The following SLC19A1 variants were observed in gnomAD, a reference collection of about 807,000 sequenced individuals.
SLC19A1 encodes the protein solute carrier family 19 member 1.
SLC19A1 carries 37 observed loss-of-function variants against 35.3 expected under a neutral mutation model. That is an observed-to-expected ratio of 1.05 (90% CI 0.81 to 1.38). SLC19A1 has a LOEUF of 1.38. SLC19A1 is among the 40% of genes most tolerant of loss of function. The pLI is 0.00. For missense variants in SLC19A1, 831 were observed against 826.9 expected, an observed-to-expected ratio of 1.00 and a Z score of -0.06; for synonymous variants, 460 against 398.5, an observed-to-expected ratio of 1.15 and a Z score of -1.84.
chr21:45,533,763 G>C lies in SLC19A1; in HGVS notation c.190-1615C>G, dbSNP rs998803544. Reference sequence around the variant, plus strand: ...CACACTTGGCAGGACCAAACCCTGGGTCAGCACGTGGGGTGCTGCGCCGAG... The same window carrying C: ...CACACTTGGCAGGACCAAACCCTGGCTCAGCACGTGGGGTGCTGCGCCGAG... On this transcript the variant is annotated intron_variant, in intron 2 of 5. Transcript: ENST00000311124. The surrounding 1 kb of genome is among the most constrained non-coding windows in gnomAD (Gnocchi z 4.5). 6.6e-6 allele frequency among the ~76,000 whole-genome samples: 1 copy of C among 152,170 alleles called. No homozygotes were observed. The highest frequency in any genetic ancestry group is 2.4e-5 in the African/African-American group (1 of 41,456).
At position 45,504,138 on chromosome 21, in the gene SLC19A1, C is replaced by T. The variant is rs530549292; in HGVS notation, c.498-5526G>A. 1.4e-3 allele frequency: 2,132 copies of T among 1,476,604 alleles called. 2 individuals carry two copies. The highest frequency in any genetic ancestry group is 1.9e-3 in the Non-Finnish European group (1,968 of 1,057,702). 91.5% of individuals were successfully genotyped at this position (1,476,604 alleles called of 1,614,324 possible). A position where few individuals can be genotyped will look rare whatever the true frequency, so the allele number is the denominator to read the frequency against. ...GCTGCTCCCAATTTCTCGCCCCATC[C>T]GGCCCAAGCCCCCTTCCTGTTCAGC... On this transcript the variant is annotated intron_variant, in intron 3 of 4. Coordinates refer to the SLC19A1 transcript ENST00000417954.
rs780934095 is a variant in SLC19A1 at position 45,516,035 on chromosome 21, G to T, written c.1399C>A (p.Pro467Thr). The change falls in exon 6 of 6, where the codon CCC (proline) becomes ACC (threonine). Residue 467 changes from proline (P) to threonine (T), a missense_variant. By Grantham distance (38) the Pro-to-Thr change is conservative. Coordinates refer to ENST00000311124, the MANE Select transcript of SLC19A1 (RefSeq NM_194255.4). ...GCACTCCTCAGGCCCTGGGCCGGGG[G>T]CTGCCGCGGGTGGTGGCCCCGCTGG... ...HCQRGHHPRQPPAQGLRSAAE... is the reference protein window; with the variant it reads ...HCQRGHHPRQTPAQGLRSAAE... 23 of 1,579,968 alleles carry T rather than the reference G, an allele frequency of 1.5e-5. No individual in the cohort carries two copies. In the South Asian group the frequency reaches 2.4e-4, roughly 17 times the overall value.
At chr21:45,532,473 G>C (rs945908823) in intron 2 of SLC19A1, among the ~76,000 whole-genome samples, 8 of 152,118 alleles carry the variant, frequency 5.3e-5, no homozygotes, top group Non-Finnish European at 1.0e-4. Flanking sequence ...TTGCTCTGTC[G>C]CCCAGGCTGG....
chr21:45,511,964 G>A (rs1035516605), downstream of SLC19A1, among the ~76,000 whole-genome samples: 2 of 152,096 alleles, frequency 1.3e-5, no homozygotes, highest in Non-Finnish European at 2.9e-5. Flanking sequence ...CCTCTGCCGT[G>A]GGTGTGTCTG....
upstream of SLC19A1, among the ~76,000 whole-genome samples, chr21:45,547,781 G>C (rs977318814): frequency 6.6e-6 from 1 of 152,260 alleles, no homozygotes; most frequent in Admixed American, 6.5e-5. Flanking sequence ...GCATGTTTTA[G>C]GATCTCCTGA....
intron 1 of SLC19A1, among the ~76,000 whole-genome samples, chr21:45,559,009 A>G (rs2078590208): frequency 6.6e-6 from 1 of 151,892 alleles, no homozygotes; most frequent in Non-Finnish European, 1.5e-5. Context: ...GGGTTTCACC[A>G]TGTTGGCCAG....
rs1170926154 is a variant in SLC19A1 at position 45,531,989 on chromosome 21, C to T, written c.349G>A (p.Ala117Thr). The change falls in exon 3 of 6, where the codon GCG (alanine) becomes ACG (threonine). Residue 117 changes from alanine (A) to threonine (T), a missense_variant. Ala to Thr is a moderately conservative substitution (Grantham distance 58, BLOSUM62 0). Coordinates refer to ENST00000311124, the MANE Select transcript of SLC19A1 (RefSeq NM_194255.4). Reference sequence around the variant, plus strand: ...AAGAGCTCCATGAGCTGCATGTGCGCCACCGAGTGGCCCAGCAGCAGCAGC... The same window carrying T: ...AAGAGCTCCATGAGCTGCATGTGCGTCACCGAGTGGCCCAGCAGCAGCAGC... ...WLLLLLGHSV[A>T]HMQLMELFYS... 1 of 1,610,092 alleles carries T rather than the reference C, an allele frequency of 6.2e-7. No homozygotes were observed. The highest frequency in any genetic ancestry group is 1.3e-5 in the African/African-American group (1 of 74,926).
At chr21:45,559,421 C>T (rs1277376802) in intron 1 of SLC19A1, among the ~76,000 whole-genome samples, 1 of 152,192 alleles carries the variant, frequency 6.6e-6, no homozygotes, top group Non-Finnish European at 1.5e-5. Flanking sequence ...GGGCGAGTCC[C>T]CCATGGGGAC....
chr21:45,505,451 G>T (rs773769675), intron 3 of SLC19A1: 1 of 1,391,312 alleles, frequency 7.2e-7, no homozygotes, highest in Admixed American at 1.9e-5. Context: ...TGGGCAGCCG[G>T]CTGGGCACCT....
At position 45,540,176 on chromosome 21, in the gene SLC19A1, G is replaced by T. The variant is rs2078259613; in HGVS notation, c.-49-2168C>A. Among the ~76,000 whole-genome samples the T allele has an allele frequency of 6.6e-6, 1 of 152,146 alleles. No individual in the cohort carries two copies. The highest frequency in any genetic ancestry group is 2.1e-4 in the South Asian group (1 of 4,830). ...CACGGGTAGAGCTGGACATACCTCA[G>T]ACCGCACCCACTCCTCCCCACTGGG... is the stretch of plus-strand genomic sequence containing the variant. On this transcript the variant is annotated intron_variant, in intron 1 of 5. Transcript: ENST00000311124. The surrounding 1 kb of genome is among the most constrained non-coding windows in gnomAD (Gnocchi z 5.5).
At chr21:45,543,874 G>C (rs1208110821), upstream of SLC19A1, 1 of 152,416 alleles carries the variant, frequency 6.6e-6, no homozygotes, top group African/African-American at 2.4e-5. Flanking sequence ...AAGACAGGAG[G>C]GGCAACGCGG....
rs553349140 is a variant in SLC19A1, at chr21:45,515,255, A to T, written c.*403T>A. The T allele has an allele frequency of 2.0e-5, 30 of 1,498,928 alleles. No homozygotes were observed. Among genetic ancestry groups the T allele is most frequent in the Admixed American group, 2.5e-5 (1 of 39,364 alleles). 92.9% of individuals were successfully genotyped at this position (1,498,928 alleles called of 1,614,324 possible). On this transcript the variant is annotated 3_prime_UTR_variant, in exon 6 of 6. Coordinates refer to ENST00000311124, the MANE Select transcript of SLC19A1 (RefSeq NM_194255.4). ...GCTACACCTGAGGGTCCCGGCTCCC[A>T]CCCTGCCCTAGAGGGCTCACAACTC...
At chr21:45,539,426 C>A (rs988225822) in intron 1 of SLC19A1, among the ~76,000 whole-genome samples, 2 of 152,362 alleles carry the variant, frequency 1.3e-5, no homozygotes, top group East Asian at 1.9e-4. Flanking sequence ...GCCACAGGGC[C>A]GGCTTGGGAG....
At chr21:45,511,427 C>CCA (rs1350055787), downstream of SLC19A1, among the ~76,000 whole-genome samples, 2 of 152,092 alleles carry the variant, frequency 1.3e-5, no homozygotes, top group Non-Finnish European at 2.9e-5. Flanking sequence ...CGTTTGAGAG[C>CCA]CAGGTAGTTG....
chr21:45,525,503 A>G lies in SLC19A1; in HGVS notation c.1293+314T>C, dbSNP rs537379670. On this transcript the variant is annotated intron_variant, in intron 5 of 5. Coordinates refer to ENST00000311124, the MANE Select transcript of SLC19A1 (RefSeq NM_194255.4). The stretch of plus-strand genomic sequence containing the variant: ...GTCACGTGGCCTCCAGCCAGGGCTC[A>G]AGGACACCAAGTTCCGGCAGCCACA... 6.5e-4 allele frequency among the ~76,000 whole-genome samples: 99 copies of G among 152,372 alleles called. 2 individuals are homozygous for G. The South Asian group carries it at 0.019, about 29-fold the overall frequency.
rs899917206 is a variant in SLC19A1 at position 45,514,523 on chromosome 21, G to A, written c.*1135C>T. The A allele has an allele frequency of 6.5e-6, 1 of 154,254 alleles. No homozygotes were observed. The allele number at this position is 154,254 out of a possible 1,614,324, so 9.6% of individuals were successfully genotyped here. A position where few individuals can be genotyped will look rare whatever the true frequency, so the allele number is the denominator to read the frequency against. On this transcript the variant is annotated 3_prime_UTR_variant, in exon 6 of 6. Transcript: ENST00000311124. The stretch of plus-strand genomic sequence containing the variant: ...AGCAGCCAGCCATTCACCTGGGGCC[G>A]CTGAGATGTGGCAGAGGCCCCACAG...
downstream of SLC19A1, among the ~76,000 whole-genome samples, chr21:45,507,798 C>T (rs1196960966): frequency 6.6e-6 from 1 of 152,220 alleles, no homozygotes; most frequent in Non-Finnish European, 1.5e-5. Flanking sequence ...TCCGTCTCAG[C>T]TGCTGGCCTC....
At chr21:45,532,253 A>C in intron 2 of SLC19A1, 105 bp from the exon 3 acceptor site, 1 of 904,472 alleles carries the variant, frequency 1.1e-6, no homozygotes, top group Non-Finnish European at 1.7e-6. Flanking sequence ...CTGCCCCAAC[A>C]CTGCCTGGTG....
intron 4 of SLC19A1, among the ~76,000 whole-genome samples, chr21:45,528,308 CA>C (rs1287508600): frequency 1.3e-5 from 2 of 152,142 alleles, no homozygotes; most frequent in Admixed American, 6.5e-5. Flanking sequence ...GAATTAAAGG[CA>C]GACGAGTGTG....
Sources: allele counts gnomAD v4.1 joint callset (sites outside exome capture counted in the v4.1 genomes callset), GRCh38; gene constraint gnomAD v4.1.1; non-coding constraint Gnocchi (gnomAD v3.1); transcripts MANE v1.5; gene names NCBI Gene and HGNC (gene_info 2026-07-23, HGNC 2026-07-21).